Variants in TFAP2D observed in about 807,000 individuals in gnomAD.
TFAP2D encodes transcription factor AP-2 delta, also known as transcription factor AP-2-delta.
A neutral mutation model predicts 43.6 loss-of-function variants in TFAP2D; 9 were observed. The ratio of observed to expected loss-of-function variants is 0.21; its 90% CI spans 0.12 to 0.36. The LOEUF (loss-of-function observed/expected upper bound fraction) is 0.36. Ranked by LOEUF, TFAP2D falls within the 10% of genes least tolerant of loss-of-function variation. TFAP2D has a pLI of 1.00. For synonymous variants in TFAP2D, 256 were observed against 224.9 expected (o/e 1.14, Z -1.24); for missense variants, 513 against 561.4 (o/e 0.91, Z 0.87).
At chr6:50,723,126 C>T (rs528453219) in intron 3 of TFAP2D, among the ~76,000 whole-genome samples, 49 of 152,336 alleles carry the variant, frequency 3.2e-4, no homozygotes, top group African/African-American at 1.2e-3. Context: ...GTGACTGGCA[C>T]GCCAAGGCAA....
In TFAP2D at chr6:50,772,764, C is replaced by T. The variant is rs373515669; in HGVS notation, c.1259C>T (p.Ala420Val). ...EKHTTHKNGG[A>V]ADSGQGHANS... is the part of the protein sequence containing the mutation. The stretch of plus-strand genomic sequence containing the variant: ...CACACTACTCACAAGAACGGCGGAG[C>T]GGCGGATTCTGGCCAAGGACATGCC... The change falls in exon 8 of 8, where the codon GCG becomes GTG. Residue 420 changes from alanine to valine, a missense_variant. By Grantham distance (64) the Ala-to-Val change is moderately conservative. Around this residue, in one of 3 missense-constraint regions of TFAP2D, gnomAD observed 199 missense variants for 227.9 expected, o/e 0.87. Coordinates refer to ENST00000008391, the MANE Select transcript of TFAP2D (RefSeq NM_172238.4). 2.4e-5 allele frequency: 38 copies of T among 1,613,922 alleles called. No individual in the cohort carries two copies. Among genetic ancestry groups the T allele is most frequent in the South Asian group, 3.3e-5 (3 of 91,086 alleles).
At chr6:50,747,813 C>A (rs1769145804) in intron 6 of TFAP2D, among the ~76,000 whole-genome samples, 1 of 152,000 alleles carries the variant, frequency 6.6e-6, no homozygotes, top group African/African-American at 2.4e-5. Context: ...GCGTATTTGA[C>A]CAGGTAGTAG....
intron 7 of TFAP2D, among the ~76,000 whole-genome samples, chr6:50,760,338 G>C (rs1245145015): frequency 1.3e-5 from 2 of 151,954 alleles, no homozygotes; most frequent in South Asian, 2.1e-4. Flanking sequence ...CATTTAAATG[G>C]AATGAGGGTT....
Position 50,713,849 on chromosome 6 carries a change from G to A in TFAP2D, c.-207G>A. ...TTCCAGGGAGCTGCTTTTGTGCAGA[G>A]GGAAAATTTTGTTCCTACAGGTTTT... is the stretch of plus-strand genomic sequence containing the variant. On this transcript the variant is annotated 5_prime_UTR_variant, in exon 1 of 8. Coordinates refer to ENST00000008391, the MANE Select transcript of TFAP2D (RefSeq NM_172238.4). The A allele has an allele frequency of 1.5e-6, 1 of 669,810 alleles. No individual in the cohort carries two copies. The highest frequency in any genetic ancestry group is 2.5e-6 in the Non-Finnish European group (1 of 400,758). The allele number at this position is 669,810 out of a possible 1,614,324, so 41.5% of individuals were successfully genotyped here. A position where few individuals can be genotyped will look rare whatever the true frequency, so the allele number is the denominator to read the frequency against.
chr6:50,755,209 T>C (rs565519583), intron 7 of TFAP2D, among the ~76,000 whole-genome samples: 5 of 151,940 alleles, frequency 3.3e-5, no homozygotes, highest in Admixed American at 6.6e-5. Flanking sequence ...AGATACATGA[T>C]TGGCATTTCC....
At chr6:50,750,078 A>G (rs1769180670) in intron 6 of TFAP2D, among the ~76,000 whole-genome samples, 1 of 151,940 alleles carries the variant, frequency 6.6e-6, no homozygotes, top group Non-Finnish European at 1.5e-5. Context: ...ATACCTGATT[A>G]AGAAGTCCCC....
chr6:50,721,719 T>A (rs1768727545), intron 3 of TFAP2D, among the ~76,000 whole-genome samples: 1 of 152,224 alleles, frequency 6.6e-6, no homozygotes, highest in South Asian at 2.1e-4. Flanking sequence ...GAATGTCTGT[T>A]TCTTTTCCAG....
intron 2 of TFAP2D, among the ~76,000 whole-genome samples, chr6:50,718,594 G>A (rs1768664378): frequency 6.6e-6 from 1 of 152,020 alleles, no homozygotes; most frequent in Non-Finnish European, 1.5e-5. Context: ...GCCCATTTTG[G>A]GTAGGATTAC....
At chr6:50,755,621 G>A (rs1172026887) in intron 7 of TFAP2D, among the ~76,000 whole-genome samples, 6 of 151,804 alleles carry the variant, frequency 4.0e-5, no homozygotes, top group African/African-American at 7.3e-5. Context: ...TTTGGGAGAA[G>A]AAAAACTCCA....
At chr6:50,714,216 G>T (rs879743317) in intron 1 of TFAP2D, 122 bp downstream of exon 1, 24 of 1,057,394 alleles carry the variant, frequency 2.3e-5, no homozygotes, top group African/African-American at 5.0e-5. Context: ...GGACCGTTAC[G>T]TTTAATTATA....
chr6:50,741,026 G>C (rs1409048048), intron 5 of TFAP2D, among the ~76,000 whole-genome samples: 1 of 151,862 alleles, frequency 6.6e-6, no homozygotes, highest in Non-Finnish European at 1.5e-5. Flanking sequence ...TTACGTTCTT[G>C]CTATGTTCTG....
At chr6:50,717,601 A>G (rs1389375873) in intron 2 of TFAP2D, among the ~76,000 whole-genome samples, 1 of 152,234 alleles carries the variant, frequency 6.6e-6, no homozygotes, top group Non-Finnish European at 1.5e-5. Context: ...GACACAGTCC[A>G]AGATACTAGA....
At position 50,729,225 on chromosome 6, in the gene TFAP2D, A is replaced by G; in HGVS notation, c.796A>G (p.Arg266Gly). 1 of 1,613,974 alleles carries G rather than the reference A, an allele frequency of 6.2e-7. No individual in the cohort carries two copies. Among genetic ancestry groups the G allele is most frequent in the Non-Finnish European group, 8.5e-7 (1 of 1,179,874 alleles). The change falls in exon 5 of 8, where the codon AGA becomes GGA. Residue 266 changes from arginine (R) to glycine (G), a missense_variant. Coordinates refer to ENST00000008391, the MANE Select transcript of TFAP2D (RefSeq NM_172238.4). Reference protein sequence around the residue: ...AKSKNGGRCLREKLDRLGLNL... With the variant: ...AKSKNGGRCLGEKLDRLGLNL... ...ATCAAAGAATGGGGGCCGCTGCCTG[A>G]GAGAGAAATTGGATAGGCTTGGCTT...
intron 7 of TFAP2D, among the ~76,000 whole-genome samples, chr6:50,771,925 A>G (rs1227258103): frequency 1.3e-5 from 2 of 152,206 alleles, no homozygotes; most frequent in African/African-American, 4.8e-5. Flanking sequence ...TCATGCTGCT[A>G]TAACGACACA....
intron 7 of TFAP2D, among the ~76,000 whole-genome samples, chr6:50,765,450 G>T (rs1411018840): frequency 6.6e-6 from 1 of 152,120 alleles, no homozygotes; most frequent in Non-Finnish European, 1.5e-5. Flanking sequence ...ATAGTGTTTT[G>T]CATAATGGCT....
intron 2 of TFAP2D, among the ~76,000 whole-genome samples, chr6:50,718,667 A>C (rs907509613): frequency 6.6e-6 from 1 of 152,138 alleles, no homozygotes; most frequent in African/African-American, 2.4e-5. Flanking sequence ...CCTGCATATG[A>C]AGTAGCTCCT....
At chr6:50,743,355 ATTTTG>A (rs70974545) in intron 5 of TFAP2D, among the ~76,000 whole-genome samples, 16,884 of 149,366 alleles carry the variant, frequency 0.11, 1,443 homozygotes, top group East Asian at 0.3. Context: ...AAAATAGTAT[ATTTTG>A]TTTTGTTTTG....
chr6:50,715,646 C>T, intron 2 of TFAP2D, 33 bp downstream of exon 2: 1 of 1,550,462 alleles, frequency 6.4e-7, no homozygotes, highest in Non-Finnish European at 8.7e-7. Flanking sequence ...TGTCTGCTCC[C>T]TCCCCTCTTC....
At chr6:50,721,751 G>A (rs981293344) in intron 3 of TFAP2D, among the ~76,000 whole-genome samples, 2 of 152,140 alleles carry the variant, frequency 1.3e-5, no homozygotes, top group African/African-American at 4.8e-5. Flanking sequence ...CCCACCACAT[G>A]AAACATGATT....
Sources: allele counts gnomAD v4.1 joint callset (sites outside exome capture counted in the v4.1 genomes callset), GRCh38; gene constraint gnomAD v4.1.1; regional missense constraint gnomAD v4.1.1; transcripts MANE v1.5; gene names NCBI Gene and HGNC (gene_info 2026-07-23, HGNC 2026-07-21).